The following RPN1 variants were observed in gnomAD, a reference collection of about 807,000 sequenced individuals.
RPN1 encodes dolichyl-diphosphooligosaccharide--protein glycosyltransferase subunit 1.
RPN1 carries 12 observed loss-of-function variants against 55.5 expected under a neutral mutation model. The observed-to-expected ratio is 0.22, with a 90% CI of 0.14 to 0.35. RPN1 has a LOEUF of 0.35. RPN1 is among the 10% of genes least tolerant of loss of function. The probability of loss-of-function intolerance (pLI) is 1.00; values close to 1 mark genes in which losing one functional copy is unlikely to be tolerated. For missense variants in RPN1, 679 were observed against 761.3 expected (o/e 0.89, Z 1.27); for synonymous variants, 317 against 305.9 (o/e 1.04, Z -0.38).
chr3:128,648,283 T>C (rs958964402), intron 1 of RPN1, among the ~76,000 whole-genome samples: 1 of 152,058 alleles, frequency 6.6e-6, no homozygotes, highest in African/African-American at 2.4e-5. Context: ...TAGTCCCAGC[T>C]ACTCCGGAGG....
Position 128,644,900 on chromosome 3 carries a change from A to T in RPN1, c.326+19T>A. 7.4e-7 allele frequency: 1 copy of T among 1,342,378 alleles called. No individual in the cohort carries two copies. Among genetic ancestry groups the T allele is most frequent in the Non-Finnish European group, 1.1e-6 (1 of 932,030 alleles). 83.2% of individuals were successfully genotyped at this position (1,342,378 alleles called of 1,614,324 possible). ...CATAACCTTTAACAAGAGACAAGGT[A>T]TATTGTTTGTCAGCTTACCTTTTAC... On this transcript the variant is annotated intron_variant, in intron 2 of 9. Transcript: ENST00000296255.
intron 1 of RPN1, among the ~76,000 whole-genome samples, chr3:128,648,566 AAAAAAG>A (rs1317125942): frequency 6.6e-6 from 1 of 152,106 alleles, no homozygotes; most frequent in Non-Finnish European, 1.5e-5. Context: ...GTCTCAAAAA[AAAAAAG>A]AAAAAGAAAA....
rs1325163881 is a variant in RPN1 at position 128,620,378 on chromosome 3, C to T, written c.*33G>A. On this transcript the variant is annotated 3_prime_UTR_variant, in exon 10 of 10. Transcript: ENST00000296255. ...TCTGCCTGCCACAGCAAAGTGCAGGCACCCTGGGCCCCCTGGAGGATGCGG... is the reference window on the plus strand; with the variant it reads ...TCTGCCTGCCACAGCAAAGTGCAGGTACCCTGGGCCCCCTGGAGGATGCGG... 6.3e-7 allele frequency: 1 copy of T among 1,586,366 alleles called. No homozygotes were observed. Among genetic ancestry groups the T allele is most frequent in the Non-Finnish European group, 8.6e-7 (1 of 1,162,362 alleles).
chr3:128,627,320 G>A (rs530598076), intron 5 of RPN1: 54 of 159,240 alleles, frequency 3.4e-4, no homozygotes, highest in African/African-American at 1.2e-3. Context: ...AGGAGAAACT[G>A]CTCAACACAA....
At chr3:128,628,844 T>C (rs966873508) in intron 5 of RPN1, among the ~76,000 whole-genome samples, 7 of 151,896 alleles carry the variant, frequency 4.6e-5, no homozygotes, top group Middle Eastern at 3.2e-3. Flanking sequence ...TAACCAGGCA[T>C]GATGGCGGGT....
chr3:128,620,423 C>G lies in RPN1; in HGVS notation c.1812G>C (p.Leu604=). 1 of 1,613,492 alleles carries G rather than the reference C, an allele frequency of 6.2e-7. No individual in the cohort carries two copies. Among genetic ancestry groups the G allele is most frequent in the Non-Finnish European group, 8.5e-7 (1 of 1,179,634 alleles). The stretch of plus-strand genomic sequence containing the variant: ...ATGCGGGCAGGGGCTACAGGGCATC[C>G]AGGATGTGGTCGATCTTGGTGACCA... ...QELVTKIDHI[L]DAL The change falls in exon 10 of 10, where the codon CTG becomes CTC. Residue 604 remains leucine (L), a synonymous_variant. Transcript: ENST00000296255.
intron 1 of RPN1, among the ~76,000 whole-genome samples, chr3:128,647,693 GA>G (rs1280379043): frequency 0.035 from 2,380 of 67,960 alleles, 22 homozygotes; most frequent in Admixed American, 0.08. Flanking sequence ...CTTGCCTCAA[GA>G]AAAAAAAAAA....
intron 5 of RPN1, among the ~76,000 whole-genome samples, chr3:128,627,770 CA>C (rs71689582): frequency 1.3e-3 from 95 of 71,976 alleles, no homozygotes; most frequent in East Asian, 7.4e-3. Flanking sequence ...GACTCCATCT[CA>C]AAAAAAAAAA....
intron 2 of RPN1, among the ~76,000 whole-genome samples, chr3:128,643,568 G>A (rs142310051): frequency 0.029 from 4,330 of 151,862 alleles, 85 homozygotes; most frequent in Middle Eastern, 0.045. Flanking sequence ...AGGCCGAGGC[G>A]GCAGATCACC....
chr3:128,620,763 G>A (rs1169136289), intron 9 of RPN1, among the ~76,000 whole-genome samples, 170 bp from the exon 10 acceptor site: 1 of 152,190 alleles, frequency 6.6e-6, no homozygotes, highest in Middle Eastern at 3.2e-3. Context: ...AGGAAGATAG[G>A]CCTGGCTTCA....
At chr3:128,650,257 A>T (rs2107724251) in intron 1 of RPN1, among the ~76,000 whole-genome samples, 1 of 152,300 alleles carries the variant, frequency 6.6e-6, no homozygotes, top group East Asian at 1.9e-4. Context: ...GGATCCCAGC[A>T]GCTGCCCACG....
intron 1 of RPN1, among the ~76,000 whole-genome samples, chr3:128,646,222 CAAA>C (rs397803037): frequency 2.5e-4 from 17 of 67,666 alleles, no homozygotes; most frequent in African/African-American, 4.6e-4. Flanking sequence ...GACTCCGTCT[CAAA>C]AAAAAAAAAA....
At position 128,637,929 on chromosome 3, in the gene RPN1, G is replaced by C. The variant is rs757592263; in HGVS notation, c.503C>G (p.Thr168Arg). 6.2e-7 allele frequency: 1 copy of C among 1,614,210 alleles called. No individual in the cohort carries two copies. Among genetic ancestry groups the C allele is most frequent in the Non-Finnish European group, 8.5e-7 (1 of 1,180,040 alleles). ...GNHYFYSPYP[T>R]KTQTMRVKLA... ...CTTCACACGCATGGTTTGTGTCTTC[G>C]TTGGATAGGGAGAGTAGAAATAATG... Residue 168 changes from threonine to arginine, a missense_variant, in exon 3 of 10, where the codon ACG (threonine) becomes AGG (arginine). By Grantham distance (71) the Thr-to-Arg change is moderately conservative (BLOSUM62 -1). Coordinates refer to ENST00000296255, the MANE Select transcript of RPN1 (RefSeq NM_002950.4).
intron 1 of RPN1, among the ~76,000 whole-genome samples, chr3:128,649,046 A>G (rs1412954351): frequency 6.6e-6 from 1 of 152,234 alleles, no homozygotes; most frequent in African/African-American, 2.4e-5. Flanking sequence ...GACACACAGT[A>G]GAGTCCCAGT....
At chr3:128,639,242 GGAGAT>G (rs1349651629) in intron 2 of RPN1, among the ~76,000 whole-genome samples, 7 of 152,112 alleles carry the variant, frequency 4.6e-5, no homozygotes, top group Non-Finnish European at 8.8e-5. Context: ...CACGAGGTCA[GGAGAT>G]CAAGACCAAC....
intron 1 of RPN1, 110 bp downstream of exon 1, chr3:128,650,430 G>A (rs559157068): frequency 2.6e-6 from 3 of 1,151,750 alleles, no homozygotes; most frequent in South Asian, 1.6e-5. Flanking sequence ...CCGCCGCCCG[G>A]GTCTCCGCAT....
At chr3:128,648,033 T>G (rs1394688033) in intron 1 of RPN1, among the ~76,000 whole-genome samples, 3 of 151,916 alleles carry the variant, frequency 2.0e-5, no homozygotes, top group Non-Finnish European at 2.9e-5. Flanking sequence ...CCGAGGCAGG[T>G]AGATCACCTG....
At chr3:128,643,902 T>G (rs559683825) in intron 2 of RPN1, among the ~76,000 whole-genome samples, 6 of 152,114 alleles carry the variant, frequency 3.9e-5, no homozygotes, top group Non-Finnish European at 7.4e-5. Context: ...ACCACTGCAC[T>G]CCAGCCTGGG....
intron 9 of RPN1, among the ~76,000 whole-genome samples, chr3:128,621,181 A>G (rs763226983): frequency 1.3e-5 from 2 of 152,226 alleles, no homozygotes; most frequent in Non-Finnish European, 2.9e-5. Flanking sequence ...CTGACATATA[A>G]TTAACACTTA....
Sources: gnomAD v4.1 joint callset for allele counts (sites outside exome capture counted in the v4.1 genomes callset) on GRCh38, gnomAD v4.1.1 for gene constraint, MANE v1.5 for transcripts, NCBI Gene and HGNC (gene_info 2026-07-23, HGNC 2026-07-21) for gene names.